PLEC: variants seen among roughly 807,000 people sequenced by gnomAD.
PLEC encodes hemidesmosomal protein 1.
Under a neutral mutation model 392.8 loss-of-function variants are expected in PLEC, and 216 were observed. That is an observed-to-expected ratio of 0.55 (90% CI 0.49 to 0.62). The LOEUF is 0.62. Ranked by LOEUF, PLEC falls within the 20% of genes least tolerant of loss-of-function variation. PLEC has a pLI of 0.00. For synonymous variants in PLEC, 3,621 were observed against 2,980.6 expected (o/e 1.21, Z -7.00); for missense variants, 6,863 against 6,563.4 (o/e 1.05, Z -1.58).
chr8:143,932,983 T>C lies in PLEC; in HGVS notation c.1547A>G (p.Glu516Gly), dbSNP rs1401976214. ...GTAGCGCAGAGTGGAGTCCTCCAGC[T>C]CGGGGCGCCTCTGCACACTCTGCAG... Reference protein sequence around the residue: ...VTLQSVQRRPELEDSTLRYLQ... With the variant: ...VTLQSVQRRPGLEDSTLRYLQ... Residue 516 changes from glutamate (E) to glycine (G), a missense_variant, in exon 14 of 32, where the codon GAG (glutamate) becomes GGG (glycine). Physicochemically the swap from Glu to Gly is moderately conservative, Grantham distance 98. Coordinates refer to ENST00000345136, the MANE Select transcript of PLEC (RefSeq NM_201384.3). The C allele has an allele frequency of 6.2e-7, 1 of 1,611,078 alleles. No homozygotes were observed. Among genetic ancestry groups the C allele is most frequent in the East Asian group, 2.2e-5 (1 of 44,766 alleles).
upstream of PLEC, among the ~76,000 whole-genome samples, chr8:143,952,800 C>T (rs1269616019): frequency 6.6e-6 from 1 of 152,192 alleles, no homozygotes; most frequent in Non-Finnish European, 1.5e-5. Context: ...CCCGCCTCCC[C>T]CAAGCCGGCT....
Position 143,921,878 on chromosome 8 carries a change from C to T in PLEC, c.7943G>A (p.Gly2648Asp), listed in dbSNP as rs1554687476. 1 of 1,601,640 alleles carries T rather than the reference C, an allele frequency of 6.2e-7. No homozygotes were observed. The highest frequency in any genetic ancestry group is 8.5e-7 in the Non-Finnish European group (1 of 1,179,716). Residue 2648 changes from glycine (G) to aspartate (D), a missense_variant, in exon 32 of 32, where the codon GGC becomes GAC. Physicochemically the swap from Gly to Asp is moderately conservative, Grantham distance 94. Transcript: ENST00000345136. ...CTGAGCTGACACCTTCCGCCGCAGG[C>T]CATCGAAGCTGTGCTCCGGCTCTGC... ...AEAEPEHSFD[G>D]LRRKVSAQRL...
Position 143,919,942 on chromosome 8 carries a change from C to T in PLEC, c.9879G>A (p.Glu3293=), listed in dbSNP as rs2131033059. Residue 3293 remains glutamate, a synonymous_variant, in exon 32 of 32, where the codon GAG becomes GAA. Coordinates refer to ENST00000345136, the MANE Select transcript of PLEC (RefSeq NM_201384.3). ...KVIKILITIV[E]EVETLRQERL... ...TCTCCTGCCGCAGGGTCTCCACCTCCTCCACGATGGTAATGAGAATCTTGA... is the reference window on the plus strand; with the variant it reads ...TCTCCTGCCGCAGGGTCTCCACCTCTTCCACGATGGTAATGAGAATCTTGA... The T allele has an allele frequency of 6.2e-7, 1 of 1,613,466 alleles. No homozygotes were observed. Among genetic ancestry groups the T allele is most frequent in the Admixed American group, 1.7e-5 (1 of 60,030 alleles).
At chr8:143,949,626 C>A (rs925342604) in intron 1 of PLEC, among the ~76,000 whole-genome samples, 5 of 152,234 alleles carry the variant, frequency 3.3e-5, no homozygotes, top group South Asian at 2.1e-4. Flanking sequence ...CTGGACCCTG[C>A]GCTTCTCCCC....
upstream of PLEC, chr8:143,944,034 C>G: frequency 2.3e-6 from 3 of 1,297,774 alleles, no homozygotes; most frequent in Non-Finnish European, 3.1e-6. Flanking sequence ...CCGCCCCATA[C>G]GCGGCGGCAG....
chr8:143,946,343 G>A, intron 1 of PLEC: 1 of 1,288,572 alleles, frequency 7.8e-7, no homozygotes, highest in Non-Finnish European at 1.0e-6. Context: ...AGCTCTGCCT[G>A]CCCTACCTTG....
Position 143,923,334 on chromosome 8 carries a change from C to G in PLEC, c.6595G>C (p.Asp2199His). ...TCGTCCAGCAGGTTCTTCTGGTGGT[C>G]GGTCTCCTCCAGCTGCAGCCGCAGT... ...TTLRLQLEETDHQKNLLDEEL... is the reference protein window; with the variant it reads ...TTLRLQLEETHHQKNLLDEEL... The change falls in exon 31 of 32, where the codon GAC (aspartate) becomes CAC (histidine). Residue 2199 changes from aspartate (D) to histidine (H), a missense_variant. Transcript: ENST00000345136. 6.2e-7 allele frequency: 1 copy of G among 1,609,902 alleles called. No homozygotes were observed. The highest frequency in any genetic ancestry group is 8.5e-7 in the Non-Finnish European group (1 of 1,179,416).
chr8:143,975,087 C>T (rs1554745552), upstream of PLEC: 12 of 1,428,988 alleles, frequency 8.4e-6, no homozygotes, highest in East Asian at 2.3e-5. This position sits in a 1 kb window ranked among gnomAD's most constrained non-coding sequence, Gnocchi z 9.9. Flanking sequence ...CCTCCCCCAC[C>T]CAGTCCCCGC....
At position 143,932,926 on chromosome 8, in the gene PLEC, T is replaced by C. The variant is rs1554718436; in HGVS notation, c.1604A>G (p.Asn535Ser). The change falls in exon 14 of 32, where the codon AAC becomes AGC. Residue 535 changes from asparagine to serine, a missense_variant. By Grantham distance (46) the Asn-to-Ser change is conservative (BLOSUM62 1). Coordinates refer to ENST00000345136, the MANE Select transcript of PLEC (RefSeq NM_201384.3). ...LQDLLAWVEE[N>S]QHRVDGAEWG... ...CTCAGCGCCATCCACACGGTGCTGG[T>C]TCTCCTCCACCCAGGCCAGCAGGTC... 1.2e-6 allele frequency: 2 copies of C among 1,612,640 alleles called. No homozygotes were observed. Among genetic ancestry groups the C allele is most frequent in the Admixed American group, 1.7e-5 (1 of 60,006 alleles).
upstream of PLEC, chr8:143,958,741 C>T (rs1554739951): frequency 2.4e-6 from 1 of 416,808 alleles, no homozygotes. This position sits in a 1 kb window ranked among gnomAD's most constrained non-coding sequence, Gnocchi z 4.9. Flanking sequence ...TGTGGAGAGG[C>T]TTCTCACCTG....
intron 1 of PLEC, among the ~76,000 whole-genome samples, chr8:143,970,739 C>T (rs1032300548): frequency 1.3e-5 from 2 of 152,192 alleles, no homozygotes; most frequent in South Asian, 2.1e-4. Context: ...TCTCCTAGAA[C>T]TGTCCCCGCC....
At chr8:143,963,320 A>C (rs1832949635) in intron 1 of PLEC, among the ~76,000 whole-genome samples, 2 of 152,230 alleles carry the variant, frequency 1.3e-5, no homozygotes, top group Admixed American at 1.3e-4. Flanking sequence ...CTCCAAGGTC[A>C]GGGCCTTAGG....
intron 20 of PLEC, 30 bp downstream of exon 20, chr8:143,930,354 C>A (rs375894993): frequency 1.3e-6 from 2 of 1,579,600 alleles, no homozygotes; most frequent in Non-Finnish European, 8.6e-7. Context: ...CCTGGCCACG[C>A]CCCCCAGTGG....
Position 143,917,084 on chromosome 8 carries a change from C to A in PLEC, c.12737G>T (p.Arg4246Leu). 1 of 1,606,700 alleles carries A rather than the reference C, an allele frequency of 6.2e-7. No homozygotes were observed. The highest frequency in any genetic ancestry group is 8.5e-7 in the Non-Finnish European group (1 of 1,174,744). Reference protein sequence around the residue: ...LSGNAGGFRSRSSSVGSSSSY... With the variant: ...LSGNAGGFRSLSSSVGSSSSY... ...GGAGGAGGATCCCACCGAGGAGGAA[C>A]GGGAGCGGAAACCACCGGCGTTGCC... Residue 4246 changes from arginine (R) to leucine (L), a missense_variant, in exon 32 of 32, where the codon CGT (arginine) becomes CTT (leucine). Transcript: ENST00000345136.
At chr8:143,942,489 G>T, upstream of PLEC, 1 of 1,590,232 alleles carries the variant, frequency 6.3e-7, no homozygotes, top group Non-Finnish European at 8.5e-7. Flanking sequence ...CCCTCGGCGA[G>T]GCAAAGGCGC....
chr8:143,950,882 T>G, upstream of PLEC: 1 of 1,335,034 alleles, frequency 7.5e-7, no homozygotes, highest in Non-Finnish European at 9.9e-7. Flanking sequence ...GGCTCCCGGC[T>G]GTGTGGCTCG....
upstream of PLEC, among the ~76,000 whole-genome samples, chr8:143,976,311 G>C (rs782569120): frequency 1.3e-5 from 2 of 152,180 alleles, no homozygotes; most frequent in Non-Finnish European, 1.5e-5. Context: ...TGTCTCGGAG[G>C]GGGTGGGCTG....
In PLEC at chr8:143,923,327, T is replaced by C. The variant is rs1823594750; in HGVS notation, c.6602A>G (p.Gln2201Arg). 1.9e-6 allele frequency: 3 copies of C among 1,609,938 alleles called. No individual in the cohort carries two copies. The highest frequency in any genetic ancestry group is 1.7e-5 in the Admixed American group (1 of 59,878). ...LRLQLEETDH[Q>R]KNLLDEELQR... ...CAGCTCCTCGTCCAGCAGGTTCTTC[T>C]GGTGGTCGGTCTCCTCCAGCTGCAG... The change falls in exon 31 of 32, where the codon CAG (glutamine) becomes CGG (arginine). Residue 2201 changes from glutamine to arginine, a missense_variant. Coordinates refer to ENST00000345136, the MANE Select transcript of PLEC (RefSeq NM_201384.3).
chr8:143,918,669 C>T lies in PLEC; in HGVS notation c.11152G>A (p.Glu3718Lys), dbSNP rs201007788. ...GCCTCCAGCAGCAGGCGGGCCACCT[C>T]GGCACTCAGCAGCCCTTTCTTGAGA... ...QALKKGLLSA[E>K]VARLLLEAQA... The change falls in exon 32 of 32, where the codon GAG becomes AAG. Residue 3718 changes from glutamate (E) to lysine (K), a missense_variant. Glu to Lys is a moderately conservative substitution (Grantham distance 56). Transcript: ENST00000345136. 44 of 1,612,690 alleles carry T rather than the reference C, an allele frequency of 2.7e-5. No homozygotes were observed. The highest frequency in any genetic ancestry group is 3.5e-5 in the Non-Finnish European group (41 of 1,179,980).
Sources: allele counts gnomAD v4.1 joint callset (sites outside exome capture counted in the v4.1 genomes callset), GRCh38; gene constraint gnomAD v4.1.1; non-coding constraint Gnocchi (gnomAD v3.1); transcripts MANE v1.5; gene names NCBI Gene and HGNC (gene_info 2026-07-23, HGNC 2026-07-21).